Variants in COPS4 observed in about 807,000 individuals in gnomAD.
COPS4 encodes COP9 signalosome subunit 4, also known as COP9 signalosome complex subunit 4.
In COPS4, 8 loss-of-function variants were observed where a neutral mutation model predicts 55.1. The ratio of observed to expected loss-of-function variants is 0.15; its 90% CI spans 0.09 to 0.26. The LOEUF (loss-of-function observed/expected upper bound fraction) is 0.26. Among genes scored for constraint, COPS4 ranks in the 10% least tolerant of loss-of-function variants. The pLI is 1.00. For missense variants in COPS4, 248 were observed against 484.0 expected (o/e 0.51, Z 4.58); for synonymous variants, 185 against 165.7 (o/e 1.12, Z -0.90).
rs754825964 is a variant in COPS4 at position 83,070,867 on chromosome 4, G to T, written c.1087+2345G>T. Among the ~76,000 whole-genome samples, 4 of 152,248 alleles carry T rather than the reference G, an allele frequency of 2.6e-5. No homozygotes were observed. In the South Asian group the frequency reaches 8.3e-4, roughly 32 times the overall value. On this transcript the variant is annotated intron_variant, in intron 9 of 9. Coordinates refer to ENST00000264389, the MANE Select transcript of COPS4 (RefSeq NM_016129.3). Reference sequence around the variant, plus strand: ...TCTTCCCCATTGCTTGTAGAACAAAGTTCTACAAAGTCTCCCAAAAGCTGG... The same window carrying T: ...TCTTCCCCATTGCTTGTAGAACAAATTTCTACAAAGTCTCCCAAAAGCTGG...
At chr4:83,036,772 TA>T (rs1560432615) in intron 1 of COPS4, among the ~76,000 whole-genome samples, 1 of 152,048 alleles carries the variant, frequency 6.6e-6, no homozygotes. Flanking sequence ...TTGTAATTTT[TA>T]TATGGATGAA....
chr4:83,074,628 A>T (rs1357976227), intron 9 of COPS4, among the ~76,000 whole-genome samples: 3 of 150,478 alleles, frequency 2.0e-5, no homozygotes, highest in Non-Finnish European at 3.0e-5. Flanking sequence ...ACGCCCGGCT[A>T]ATTTTTGTAT....
intron 4 of COPS4, among the ~76,000 whole-genome samples, chr4:83,050,858 G>T (rs1051361055): frequency 6.6e-6 from 1 of 152,092 alleles, no homozygotes; most frequent in Non-Finnish European, 1.5e-5. Context: ...TTGGAGAATT[G>T]TGAACAAACA....
chr4:83,048,340 A>G (rs1730772826), intron 2 of COPS4, among the ~76,000 whole-genome samples: 1 of 152,216 alleles, frequency 6.6e-6, no homozygotes, highest in African/African-American at 2.4e-5. Flanking sequence ...ATGTCAATAC[A>G]TCTAGTGCTC....
At chr4:83,072,126 C>T (rs950707822) in intron 9 of COPS4, among the ~76,000 whole-genome samples, 1 of 151,596 alleles carries the variant, frequency 6.6e-6, no homozygotes. Flanking sequence ...CTCTTGTTGC[C>T]CAGGCTGGAG....
At chr4:83,062,955 A>C (rs1447561126) in intron 6 of COPS4, 121 bp from the exon 7 acceptor site, 2 of 792,382 alleles carry the variant, frequency 2.5e-6, no homozygotes, top group African/African-American at 3.6e-5. Context: ...ATTACCATGA[A>C]TAATGAATAC....
rs548529299 is a variant in COPS4 at position 83,040,576 on chromosome 4, C to T, written c.75-5050C>T. 2.6e-5 allele frequency among the ~76,000 whole-genome samples: 4 copies of T among 152,188 alleles called. No individual in the cohort carries two copies. In the South Asian group the frequency reaches 6.2e-4, roughly 24 times the overall value. ...TGCTTCTCAGTGCTTCCAGCAGATT[C>T]GCAGTGAGCCCACCTTCTCCTCCCT... On this transcript the variant is annotated intron_variant, in intron 1 of 9. Coordinates refer to ENST00000264389, the MANE Select transcript of COPS4 (RefSeq NM_016129.3).
chr4:83,071,212 T>C (rs1731421210), intron 9 of COPS4, among the ~76,000 whole-genome samples: 1 of 152,228 alleles, frequency 6.6e-6, no homozygotes, highest in African/African-American at 2.4e-5. Flanking sequence ...AGGTATTAAG[T>C]CTGTCTTATT....
intron 6 of COPS4, among the ~76,000 whole-genome samples, chr4:83,059,031 C>T (rs1008353198): frequency 1.1e-4 from 17 of 151,894 alleles, no homozygotes; most frequent in Non-Finnish European, 1.5e-5. Flanking sequence ...TTGATGAATG[C>T]TCTTGAGCAT....
intron 4 of COPS4, 130 bp downstream of exon 4, chr4:83,050,114 G>A (rs2126129687): frequency 1.7e-6 from 1 of 576,868 alleles, no homozygotes. Context: ...TATGTTAGAA[G>A]GTGATAAGTG....
At chr4:83,050,021 G>A (rs1342736135) in intron 4 of COPS4, 37 bp downstream of exon 4, 1 of 1,190,962 alleles carries the variant, frequency 8.4e-7, no homozygotes, top group Non-Finnish European at 1.2e-6. Flanking sequence ...ACTATATATA[G>A]GATGTATATA....
At position 83,049,158 on chromosome 4, in the gene COPS4, TA is replaced by T; in HGVS notation, c.155-5del. The T allele has an allele frequency of 6.4e-7, 1 of 1,571,376 alleles. No homozygotes were observed. Among genetic ancestry groups the T allele is most frequent in the Admixed American group, 2.1e-5 (1 of 48,500 alleles). ...TGTTTTCTTATCTTTTTTTTTTTTTTAAACAAGTGGTAAATGAGAATGTCAG... is the reference window on the plus strand; with the variant it reads ...TGTTTTCTTATCTTTTTTTTTTTTTTAACAAGTGGTAAATGAGAATGTCAG... On this transcript the variant is annotated splice_polypyrimidine_tract_variant and splice_region_variant and intron_variant, in intron 2 of 9. Coordinates refer to ENST00000264389, the MANE Select transcript of COPS4 (RefSeq NM_016129.3).
intron 7 of COPS4, among the ~76,000 whole-genome samples, chr4:83,066,094 G>A (rs904233835): frequency 6.6e-6 from 1 of 152,176 alleles, no homozygotes; most frequent in Admixed American, 6.5e-5. Flanking sequence ...GGAGGTTGCA[G>A]TGAGCAGAGA....
At chr4:83,045,165 C>T (rs773008491) in intron 1 of COPS4, among the ~76,000 whole-genome samples, 3 of 152,286 alleles carry the variant, frequency 2.0e-5, no homozygotes, top group East Asian at 3.9e-4. Context: ...ACATACATTA[C>T]GTCTGTAAGA....
chr4:83,047,335 C>G (rs1011609168), intron 2 of COPS4, among the ~76,000 whole-genome samples: 1 of 152,138 alleles, frequency 6.6e-6, no homozygotes, highest in Non-Finnish European at 1.5e-5. Flanking sequence ...CAAGGGATCA[C>G]TTGAGCTCAG....
At chr4:83,058,797 A>G (rs968885963) in intron 6 of COPS4, among the ~76,000 whole-genome samples, 11 of 152,096 alleles carry the variant, frequency 7.2e-5, no homozygotes, top group Non-Finnish European at 1.6e-4. Flanking sequence ...TCACAACACT[A>G]TAGTGATTAT....
chr4:83,046,336 G>A (rs1730714373), intron 2 of COPS4, among the ~76,000 whole-genome samples: 1 of 152,172 alleles, frequency 6.6e-6, no homozygotes, highest in African/African-American at 2.4e-5. Context: ...CTGTTGGTGA[G>A]AATGTAAATT....
chr4:83,060,898 G>T (rs1400386612), intron 6 of COPS4, among the ~76,000 whole-genome samples: 1 of 151,690 alleles, frequency 6.6e-6, no homozygotes, highest in Non-Finnish European at 1.5e-5. Flanking sequence ...GCCGGGCGTC[G>T]TGGCATGTGC....
intron 2 of COPS4, among the ~76,000 whole-genome samples, chr4:83,048,577 AATT>A (rs1730778418): frequency 6.6e-6 from 1 of 152,014 alleles, no homozygotes; most frequent in Non-Finnish European, 1.5e-5. Context: ...AACTTTTTTC[AATT>A]ATTTCTGTTT....
Sources: gnomAD v4.1 joint callset for allele counts (sites outside exome capture counted in the v4.1 genomes callset) on GRCh38, gnomAD v4.1.1 for gene constraint, MANE v1.5 for transcripts, NCBI Gene and HGNC (gene_info 2026-07-23, HGNC 2026-07-21) for gene names.